The following CEP72 variants were observed in gnomAD, a reference collection of about 807,000 sequenced individuals.
CEP72 encodes the protein centrosomal protein of 72 kDa.
In CEP72, 78 loss-of-function variants were observed where a neutral mutation model predicts 65.7. The observed-to-expected ratio is 1.19, with a 90% CI of 0.99 to 1.43. The LOEUF (loss-of-function observed/expected upper bound fraction) is 1.43, where lower values mean the gene tolerates loss of function less well. CEP72 is among the 40% of genes most tolerant of loss of function. CEP72 has a pLI of 0.00. For missense variants in CEP72, 914 were observed against 832.9 expected (o/e 1.10, Z -1.20); for synonymous variants, 358 against 351.7 (o/e 1.02, Z -0.20).
intron 10 of CEP72, among the ~76,000 whole-genome samples, chr5:646,035 G>A (rs1170596200): frequency 6.6e-6 from 1 of 151,464 alleles, no homozygotes; most frequent in Non-Finnish European, 1.5e-5. Flanking sequence ...GGCGGCCTGT[G>A]TGGACAGTGA....
intron 11 of CEP72, among the ~76,000 whole-genome samples, chr5:652,601 A>AT (rs1739180836): frequency 1.3e-5 from 2 of 152,314 alleles, no homozygotes; most frequent in South Asian, 4.1e-4. Flanking sequence ...AATTAGAACT[A>AT]TTTCAGTCCC....
At chr5:669,876 T>A (rs1367141578), downstream of CEP72, among the ~76,000 whole-genome samples, 1 of 152,126 alleles carries the variant, frequency 6.6e-6, no homozygotes, top group Non-Finnish European at 1.5e-5. Flanking sequence ...ACACTCAGTC[T>A]GGCTGCCCGG....
At chr5:670,618 G>T (rs1446327193), downstream of CEP72, among the ~76,000 whole-genome samples, 1 of 152,104 alleles carries the variant, frequency 6.6e-6, no homozygotes, top group Admixed American at 6.5e-5. Flanking sequence ...CCTTAGGGGA[G>T]CCCTGTCTGG....
downstream of CEP72, among the ~76,000 whole-genome samples, chr5:668,166 C>T (rs532475851): frequency 3.2e-5 from 4 of 126,368 alleles, no homozygotes; most frequent in Non-Finnish European, 6.8e-5. Flanking sequence ...TACCGACAAG[C>T]ACACGGAGAG....
rs1430117445 is a variant in CEP72, at chr5:620,088, C to T, written c.230C>T (p.Ala77Val). 1.2e-6 allele frequency: 2 copies of T among 1,611,268 alleles called. No individual in the cohort carries two copies. The highest frequency in any genetic ancestry group is 2.2e-5 in the South Asian group (2 of 91,048). Reference sequence around the variant, plus strand: ...TGACAGGGCATTCAGTACCTGACTGCATTGGAGAGTCTCAATCTCTACTAC... The same window carrying T: ...TGACAGGGCATTCAGTACCTGACTGTATTGGAGAGTCTCAATCTCTACTAC... ...VSLEGIQYLT[A>V]LESLNLYYNC... The change falls in exon 3 of 12, where the codon GCA (alanine) becomes GTA (valine). Residue 77 changes from alanine (A) to valine (V), a missense_variant. Coordinates refer to ENST00000264935, the MANE Select transcript of CEP72 (RefSeq NM_018140.4).
chr5:639,758 C>T (rs1414007023), intron 8 of CEP72, among the ~76,000 whole-genome samples: 2 of 152,180 alleles, frequency 1.3e-5, no homozygotes, highest in Non-Finnish European at 2.9e-5. Flanking sequence ...CAGGAGATGC[C>T]GCGTCCCCAG....
intron 6 of CEP72, 124 bp from the exon 7 acceptor site, chr5:637,373 GGTGTGCGTGTACATATGTAA>G: frequency 4.4e-6 from 3 of 686,058 alleles, no homozygotes; most frequent in Non-Finnish European, 7.6e-6. Flanking sequence ...CACGTGGATA[GGTGTGCGTGTACATATGTAA>G]GTGTGCGTGT....
chr5:643,170 C>T (rs1738171498), intron 9 of CEP72: 2 of 980,050 alleles, frequency 2.0e-6, no homozygotes, highest in Non-Finnish European at 2.4e-6. Flanking sequence ...GCTCCACTGC[C>T]CTCTAGTTTG....
the CEP72 span, among the ~76,000 whole-genome samples, chr5:673,348 C>T: frequency 2.0e-5 from 3 of 152,008 alleles, no homozygotes; most frequent in Admixed American, 6.5e-5. Context: ...AGGGACCCCC[C>T]GAGGGGAGTC....
At chr5:670,007 C>T (rs982536960), downstream of CEP72, among the ~76,000 whole-genome samples, 4 of 152,208 alleles carry the variant, frequency 2.6e-5, no homozygotes, top group African/African-American at 9.6e-5. Flanking sequence ...GCCCCAAAGC[C>T]GGCCCAGCAG....
At chr5:669,180 G>A (rs374334261), downstream of CEP72, among the ~76,000 whole-genome samples, 371 of 152,316 alleles carry the variant, frequency 2.4e-3, 3 homozygotes, top group South Asian at 8.1e-3. Context: ...GCCCCAGGGC[G>A]GGGCCTGGAC....
At chr5:676,409 G>A in the CEP72 span, 1 of 152,244 alleles carries the variant, frequency 6.6e-6, no homozygotes, top group Non-Finnish European at 1.5e-5. Context: ...TGGCGCCGCA[G>A]AGGTGGGCCC....
At chr5:627,230 C>T (rs1031650144) in intron 4 of CEP72, among the ~76,000 whole-genome samples, 3 of 152,314 alleles carry the variant, frequency 2.0e-5, no homozygotes, top group Middle Eastern at 3.4e-3. Flanking sequence ...AGGAATTGGT[C>T]GTCTCATCTG....
At chr5:643,474 C>T (rs991646962) in intron 9 of CEP72, 14 of 985,230 alleles carry the variant, frequency 1.4e-5, no homozygotes, top group South Asian at 4.7e-5. Context: ...GGGGGCCTGG[C>T]GGGTGCATGC....
chr5:672,319 C>T, the CEP72 span, among the ~76,000 whole-genome samples: 1 of 152,216 alleles, frequency 6.6e-6, no homozygotes, highest in African/African-American at 2.4e-5. Context: ...TTCCTTCTAA[C>T]CAGCGTCCAG....
intron 11 of CEP72, among the ~76,000 whole-genome samples, chr5:648,532 AGGTGTGACT>A (rs1277546290): frequency 2.0e-4 from 28 of 138,692 alleles, no homozygotes; most frequent in African/African-American, 7.9e-4. Flanking sequence ...TGTGACTGTG[AGGTGTGACT>A]GTGAGGTGTG....
At chr5:647,334 A>T (rs912366873) in intron 10 of CEP72, among the ~76,000 whole-genome samples, 3 of 152,260 alleles carry the variant, frequency 2.0e-5, no homozygotes, top group Non-Finnish European at 1.5e-5. Context: ...GAGTTTGTAG[A>T]TGGAAACCAG....
chr5:619,826 T>C (rs1736263834), intron 2 of CEP72, among the ~76,000 whole-genome samples: 1 of 152,212 alleles, frequency 6.6e-6, no homozygotes, highest in African/African-American at 2.4e-5. Flanking sequence ...CGCTGAGGCC[T>C]CGGTAGATAT....
In CEP72 at chr5:645,027, A is replaced by G. The variant is rs924592427; in HGVS notation, c.1666+602A>G. Among the ~76,000 whole-genome samples the G allele has an allele frequency of 7.4e-5, 11 of 149,094 alleles. No homozygotes were observed. The highest frequency in any genetic ancestry group is 2.5e-4 in the African/African-American group (10 of 40,378). ...CTGATGGAGTCTGCTGTCCACGGTA[A>G]CCTTCTCGGTGTGGCGTGGAGTCTC... On this transcript the variant is annotated intron_variant, in intron 10 of 11. Coordinates refer to ENST00000264935, the MANE Select transcript of CEP72 (RefSeq NM_018140.4). This position sits in a 1 kb window ranked among gnomAD's most constrained non-coding sequence, Gnocchi z 4.0.
Sources: allele counts gnomAD v4.1 joint callset (sites outside exome capture counted in the v4.1 genomes callset), GRCh38; gene constraint gnomAD v4.1.1; non-coding constraint Gnocchi (gnomAD v3.1); transcripts MANE v1.5; gene names NCBI Gene and HGNC (gene_info 2026-07-23, HGNC 2026-07-21).